Variants in ACSM2A observed in about 807,000 individuals in gnomAD.
ACSM2A encodes the protein acyl-CoA synthetase medium chain family member 2A.
Under a neutral mutation model 76.6 loss-of-function variants are expected in ACSM2A, and 72 were observed. The observed-to-expected ratio is 0.94, with a 90% confidence interval of 0.78 to 1.14. ACSM2A has a LOEUF of 1.14. ACSM2A is among the 50% of genes most tolerant of loss of function. The pLI, the probability that ACSM2A is intolerant of heterozygous loss-of-function variation, is 0.00. For missense variants in ACSM2A, 684 were observed against 708.5 expected, an observed-to-expected ratio of 0.97 and a Z score of 0.39; for synonymous variants, 249 against 255.9, an observed-to-expected ratio of 0.97 and a Z score of 0.26.
At chr16:20,481,099 C>T (rs1487926267) in intron 12 of ACSM2A, 178 bp downstream of exon 12, 1 of 744,674 alleles carries the variant, frequency 1.3e-6, no homozygotes, top group Non-Finnish European at 2.2e-6. Flanking sequence ...TCAGTTTCCC[C>T]ATCTGTAAGA....
intron 1 of ACSM2A, among the ~76,000 whole-genome samples, chr16:20,455,881 C>G (rs1232144707): frequency 3.3e-5 from 5 of 151,374 alleles, no homozygotes; most frequent in Non-Finnish European, 7.4e-5. Context: ...AATATGCCAA[C>G]CAAGTATCTA....
intron 2 of ACSM2A, among the ~76,000 whole-genome samples, chr16:20,463,224 A>G (rs912714301): frequency 6.6e-6 from 1 of 151,362 alleles, no homozygotes; most frequent in Non-Finnish European, 1.5e-5. Context: ...TAAAACTTAA[A>G]GTATAATAAT....
Position 20,469,673 on chromosome 16 carries a change from T to A in ACSM2A, c.550T>A (p.Ser184Thr), listed in dbSNP as rs1246432152. The A allele has an allele frequency of 6.2e-7, 1 of 1,613,704 alleles. No homozygotes were observed. The highest frequency in any genetic ancestry group is 8.5e-7 in the Non-Finnish European group (1 of 1,179,814). ...TTCTCTGAGAATTAAGCTACTGGTG[T>A]CTGAGAAAAGCTGTGATGGGTGGCT... is the stretch of plus-strand genomic sequence containing the variant. ...CPSLRIKLLV[S>T]EKSCDGWLNF... is the part of the protein sequence containing the mutation. Residue 184 changes from serine to threonine, a missense_variant, in exon 4 of 14, where the codon TCT (serine) becomes ACT (threonine). This residue lies in a region of ACSM2A where 519 missense variants were observed against 549.5 expected (regional missense o/e 0.94). Coordinates refer to ENST00000573854, the MANE Select transcript of ACSM2A (RefSeq NM_001308172.2).
intron 4 of ACSM2A, among the ~76,000 whole-genome samples, chr16:20,470,361 G>A (rs2013310183): frequency 6.6e-6 from 1 of 152,156 alleles, no homozygotes; most frequent in Admixed American, 6.5e-5. Flanking sequence ...CTTTCCATGT[G>A]TTGATAGCAT....
chr16:20,478,082 A>G (rs1467643479), intron 9 of ACSM2A, among the ~76,000 whole-genome samples: 4 of 152,220 alleles, frequency 2.6e-5, no homozygotes, highest in Non-Finnish European at 4.4e-5. Flanking sequence ...TTGCCATGCC[A>G]TTCACTATGA....
In ACSM2A at chr16:20,460,110, T is replaced by C; in HGVS notation, c.-5T>C. The C allele has an allele frequency of 2.5e-6, 4 of 1,609,662 alleles. No individual in the cohort carries two copies. The highest frequency in any genetic ancestry group is 3.4e-6 in the Non-Finnish European group (4 of 1,177,012). On this transcript the variant is annotated 5_prime_UTR_variant, in exon 2 of 14. Transcript: ENST00000573854. ...GTGTCTCTTCTTTCTTTTACAGGCC[T>C]GAATATGCATTGGCTGCGAAAAGTT...
intron 3 of ACSM2A, among the ~76,000 whole-genome samples, chr16:20,468,590 C>T (rs2013160287): frequency 6.6e-6 from 1 of 152,166 alleles, no homozygotes. Flanking sequence ...GAACTCTTGA[C>T]CTCTAATAAT....
intron 12 of ACSM2A, chr16:20,481,163 T>C: frequency 1.9e-6 from 1 of 522,326 alleles, no homozygotes; most frequent in South Asian, 2.8e-5. Flanking sequence ...TACTTAAGTA[T>C]GGTGATTTCT....
At chr16:20,456,600 T>G (rs2012170028) in intron 1 of ACSM2A, among the ~76,000 whole-genome samples, 1 of 151,396 alleles carries the variant, frequency 6.6e-6, no homozygotes, top group Non-Finnish European at 1.5e-5. Context: ...TTTCTCACAC[T>G]GAAGGATAAT....
chr16:20,476,478 G>A (rs1332683327), intron 8 of ACSM2A: 7 of 985,288 alleles, frequency 7.1e-6, no homozygotes, highest in East Asian at 1.1e-4. Flanking sequence ...GAAGGTTGAC[G>A]GCAGCTCTGT....
Position 20,483,047 on chromosome 16 carries a change from CT to C in ACSM2A, c.1510-5del, listed in dbSNP as rs1567377181. On this transcript the variant is annotated splice_polypyrimidine_tract_variant and intron_variant, in intron 12 of 13. Coordinates refer to ENST00000573854, the MANE Select transcript of ACSM2A (RefSeq NM_001308172.2). ...CTAATCCCTTCTCTCTGGCCTTCAT[CT>C]TTTTTGCAGGTGGTGAAGGCATTTG... 3.1e-6 allele frequency: 5 copies of C among 1,613,206 alleles called. No individual in the cohort carries two copies. Among genetic ancestry groups the C allele is most frequent in the Non-Finnish European group, 3.4e-6 (4 of 1,179,410 alleles).
At chr16:20,482,781 C>G in intron 12 of ACSM2A, 2 of 271,808 alleles carry the variant, frequency 7.4e-6, no homozygotes, top group Non-Finnish European at 1.4e-5. Flanking sequence ...TTTTCTCCCC[C>G]TGTATCTTCT....
intron 9 of ACSM2A, among the ~76,000 whole-genome samples, chr16:20,478,197 A>G (rs1301059605): frequency 6.6e-6 from 1 of 152,218 alleles, no homozygotes; most frequent in Non-Finnish European, 1.5e-5. Context: ...ACTGAAGCCC[A>G]GAGTTTAAGT....
At chr16:20,470,110 T>C (rs2013293059) in intron 4 of ACSM2A, among the ~76,000 whole-genome samples, 1 of 152,084 alleles carries the variant, frequency 6.6e-6, no homozygotes, top group African/African-American at 2.4e-5. Context: ...TTCCATGCTA[T>C]GGTAAAACAG....
intron 6 of ACSM2A, among the ~76,000 whole-genome samples, chr16:20,472,469 C>T (rs888460379): frequency 2.0e-5 from 3 of 152,136 alleles, no homozygotes; most frequent in Admixed American, 6.5e-5. Context: ...ATAATTACCC[C>T]TAAAAGCCCT....
At chr16:20,457,544 A>G (rs1205629566) in intron 1 of ACSM2A, among the ~76,000 whole-genome samples, 3 of 152,196 alleles carry the variant, frequency 2.0e-5, no homozygotes, top group Admixed American at 6.5e-5. Context: ...CACCACATAA[A>G]CAGAATTAAA....
Position 20,486,578 on chromosome 16 carries a change from A to T in ACSM2A, c.1634A>T (p.Glu545Val). The stretch of plus-strand genomic sequence containing the variant: ...GACTGATTTGTTTTTCAACAGATAG[A>T]GTTTGTCTTGAACCTGCCCAAGACT... ...TAPYKYPRKI[E>V]FVLNLPKTVT... Residue 545 changes from glutamate to valine, a missense_variant, in exon 14 of 14, where the codon GAG becomes GTG. Coordinates refer to ENST00000573854, the MANE Select transcript of ACSM2A (RefSeq NM_001308172.2). 1 of 1,614,116 alleles carries T rather than the reference A, an allele frequency of 6.2e-7. No individual in the cohort carries two copies.
intron 1 of ACSM2A, among the ~76,000 whole-genome samples, chr16:20,459,182 C>A (rs1379863248): frequency 6.6e-6 from 1 of 151,766 alleles, no homozygotes; most frequent in Non-Finnish European, 1.5e-5. Context: ...TAAAAGGGTA[C>A]AAAGTGGGTT....
chr16:20,467,671 C>T (rs1192343063), intron 3 of ACSM2A, among the ~76,000 whole-genome samples: 1 of 152,032 alleles, frequency 6.6e-6, no homozygotes, highest in Non-Finnish European at 1.5e-5. Context: ...GAGTGAAGAA[C>T]ACAGATATAG....
Sources: allele counts gnomAD v4.1 joint callset (sites outside exome capture counted in the v4.1 genomes callset), GRCh38; gene constraint gnomAD v4.1.1; regional missense constraint gnomAD v4.1.1; transcripts MANE v1.5; gene names NCBI Gene and HGNC (gene_info 2026-07-23, HGNC 2026-07-21).